The following MEIS3 variants were observed in gnomAD, a reference collection of about 807,000 sequenced individuals.
MEIS3 encodes homeobox protein Meis3.
Under a neutral mutation model 51.4 loss-of-function variants are expected in MEIS3, and 38 were observed. The observed-to-expected ratio is 0.74, with a 90% CI of 0.57 to 0.97. The LOEUF (loss-of-function observed/expected upper bound fraction) is 0.97, where lower values mean the gene tolerates loss of function less well. Ranked by LOEUF, MEIS3 falls within the 50% of genes least tolerant of loss-of-function variation. The pLI, the probability that MEIS3 is intolerant of heterozygous loss-of-function variation, is 0.00. For synonymous variants in MEIS3, 198 were observed against 201.8 expected (o/e 0.98, Z 0.16); for missense variants, 456 against 502.6 (o/e 0.91, Z 0.89).
chr19:47,418,760 A>C, intron 1 of MEIS3: 1 of 245,846 alleles, frequency 4.1e-6, no homozygotes, highest in African/African-American at 2.7e-5. Context: ...GAGACCAGGG[A>C]CAGAGAGAGG....
rs1175623078 is a variant in MEIS3 at position 47,406,987 on chromosome 19, A to G, written c.995-16T>C. ...GCACCCTGCCCTGCGAAGGGGGTTCAGAGGTGCAGGCTGAGCCCCAGGAAG... is the reference window on the plus strand; with the variant it reads ...GCACCCTGCCCTGCGAAGGGGGTTCGGAGGTGCAGGCTGAGCCCCAGGAAG... On this transcript the variant is annotated splice_polypyrimidine_tract_variant and intron_variant, in intron 10 of 12. Transcript: ENST00000558555. 1 of 1,574,376 alleles carries G rather than the reference A, an allele frequency of 6.4e-7. No individual in the cohort carries two copies. Among genetic ancestry groups the G allele is most frequent in the South Asian group, 1.2e-5 (1 of 86,040 alleles).
chr19:47,417,508 G>A, intron 1 of MEIS3, 158 bp from the exon 2 acceptor site: 1 of 892,588 alleles, frequency 1.1e-6, no homozygotes, highest in African/African-American at 1.6e-5. Context: ...CAAGCTTGAA[G>A]CCCTCCAGGT....
chr19:47,414,746 G>C lies in MEIS3; in HGVS notation c.568C>G (p.Pro190Ala). 6.2e-7 allele frequency: 1 copy of C among 1,610,648 alleles called. No homozygotes were observed. The part of the protein sequence containing the change: ...GGCREDFEDY[P>A]ASCPSLPDQN... ...TCTGGGAGGCTGGGGCAGGAGGCTGGGTAGTCCTCGAAGTCCTCCCTGCAG... is the reference window on the plus strand; with the variant it reads ...TCTGGGAGGCTGGGGCAGGAGGCTGCGTAGTCCTCGAAGTCCTCCCTGCAG... The change falls in exon 6 of 13, where the codon CCA becomes GCA. Residue 190 changes from proline to alanine, a missense_variant. Physicochemically the swap from Pro to Ala is conservative, Grantham distance 27. Transcript: ENST00000558555.
upstream of MEIS3, among the ~76,000 whole-genome samples, chr19:47,420,549 C>G (rs576185928): frequency 5.2e-4 from 69 of 133,142 alleles, no homozygotes; most frequent in African/African-American, 1.9e-3. Flanking sequence ...GAGACAGACG[C>G]GGGTGGGAGG....
At chr19:47,416,047 T>C (rs894480253) in intron 4 of MEIS3, 1 of 152,490 alleles carries the variant, frequency 6.6e-6, no homozygotes, top group African/African-American at 2.4e-5. Flanking sequence ...CACAGGTGCA[T>C]GCCACCACAC....
At chr19:47,415,983 G>C (rs1461958348) in intron 4 of MEIS3, 1 of 151,818 alleles carries the variant, frequency 6.6e-6, no homozygotes, top group Non-Finnish European at 1.5e-5. Context: ...CTACAGCCTC[G>C]ACCTCTTGGG....
At chr19:47,412,837 G>A (rs952857348) in intron 6 of MEIS3, among the ~76,000 whole-genome samples, 8 of 151,718 alleles carry the variant, frequency 5.3e-5, no homozygotes, top group Admixed American at 1.3e-4. Flanking sequence ...CAAAGTGCTG[G>A]GATTACAGTC....
At chr19:47,415,571 C>CTTT (rs1245407799) in intron 4 of MEIS3, among the ~76,000 whole-genome samples, 9 of 122,168 alleles carry the variant, frequency 7.4e-5, no homozygotes, top group South Asian at 2.6e-4. Flanking sequence ...CTCTCTCTCT[C>CTTT]TCTTTTTTTT....
rs781374567 is a variant in MEIS3 at position 47,409,563 on chromosome 19, T to C, written c.598-16A>G. On this transcript the variant is annotated splice_polypyrimidine_tract_variant and intron_variant, in intron 6 of 12. Coordinates refer to ENST00000558555, the MANE Select transcript of MEIS3 (RefSeq NM_001301059.2). ...ACATATTATTCTAGAAAACAAGAGT[T>C]AGAAGTTAGTGCCAAGGCGGCCGGG... 2 of 1,599,954 alleles carry C rather than the reference T, an allele frequency of 1.3e-6. No homozygotes were observed. The highest frequency in any genetic ancestry group is 2.2e-5 in the East Asian group (1 of 44,798).
chr19:47,414,978 G>A (rs547720028), intron 5 of MEIS3, 73 bp downstream of exon 5: 14 of 1,220,372 alleles, frequency 1.1e-5, no homozygotes, highest in Middle Eastern at 4.8e-4. Context: ...GCTGGAAGGT[G>A]GGGGGCAGAG....
rs562909355 is a variant in MEIS3, at chr19:47,405,296, AT to A, written c.*17+1163del. ...AAGACTCAAGGCCTGGGAAAGTCAA[AT>A]AATGCCCCCCTTCCACATTACTCCC... On this transcript the variant is annotated intron_variant, in intron 12 of 12. Transcript: ENST00000558555. Among the ~76,000 whole-genome samples the A allele has an allele frequency of 9.5e-3, 1,448 of 152,302 alleles. 16 individuals are homozygous for A. Among genetic ancestry groups the A allele is most frequent in the Non-Finnish European group, 0.013 (879 of 68,016 alleles).
rs1232016620 is a variant in MEIS3 at position 47,409,459 on chromosome 19, C to T, written c.686G>A (p.Ser229Asn). Reference protein sequence around the residue: ...GPSSGGLASQSGDNSSDQGDG... With the variant: ...GPSSGGLASQNGDNSSDQGDG... ...ACCTTGGTCACTGGAGTTGTCCCCA[C>T]TCTGGGAGGCCAGGCCCCCACTGGA... The change falls in exon 7 of 13, where the codon AGT (serine) becomes AAT (asparagine). Residue 229 changes from serine (S) to asparagine (N), a missense_variant. Physicochemically the swap from Ser to Asn is conservative, Grantham distance 46. Transcript: ENST00000558555. 1 of 1,613,964 alleles carries T rather than the reference C, an allele frequency of 6.2e-7. No individual in the cohort carries two copies. Among genetic ancestry groups the T allele is most frequent in the Non-Finnish European group, 8.5e-7 (1 of 1,179,932 alleles).
rs925719065 is a variant in MEIS3, at chr19:47,416,853, A to T, written c.296T>A (p.Val99Asp). The change falls in exon 3 of 13, where the codon GTC (valine) becomes GAC (aspartate). Residue 99 changes from valine to aspartate, a missense_variant. Coordinates refer to ENST00000558555, the MANE Select transcript of MEIS3 (RefSeq NM_001301059.2). ...CTCGTTGAAGGAATCAGAGGAGCAG[A>T]CGTCACCTCCAGGGGGTGTCCCCAG... ...AGLGTPPGGD[V>D]CSSDSFNEDI... is the part of the protein sequence containing the mutation. The T allele has an allele frequency of 3.1e-6, 5 of 1,614,024 alleles. No homozygotes were observed. Among genetic ancestry groups the T allele is most frequent in the Non-Finnish European group, 3.4e-6 (4 of 1,179,982 alleles).
intron 8 of MEIS3, chr19:47,407,667 C>T (rs559956690): frequency 2.9e-6 from 3 of 1,028,464 alleles, no homozygotes; most frequent in East Asian, 2.8e-5. Flanking sequence ...AACTGGCCAG[C>T]TCTGATTAGA....
intron 12 of MEIS3, among the ~76,000 whole-genome samples, chr19:47,404,013 G>A (rs933079322): frequency 6.6e-6 from 1 of 152,024 alleles, no homozygotes; most frequent in African/African-American, 2.4e-5. Context: ...ACCAGCCTGG[G>A]GAACAAAGCG....
chr19:47,415,194 G>A (rs1971351436), intron 4 of MEIS3, 93 bp from the exon 5 acceptor site: 6 of 786,902 alleles, frequency 7.6e-6, no homozygotes, highest in Admixed American at 2.1e-5. Context: ...AGGAAGAGGA[G>A]ACACAGAGAA....
At position 47,414,858 on chromosome 19, in the gene MEIS3, G is replaced by A; in HGVS notation, c.456C>T (p.Asp152=). Residue 152 remains aspartate, a synonymous_variant, in exon 6 of 13, where the codon GAC becomes GAT. Transcript: ENST00000558555. ...FHLLELEKVH[D]LCDNFCHRYI... is the part of the protein sequence containing the mutation. ...AGCGGTGACAGAAGTTGTCGCACAG[G>A]TCGTGGACCTGGGGGGGCACCGGGG... 9 of 1,611,576 alleles carry A rather than the reference G, an allele frequency of 5.6e-6. No individual in the cohort carries two copies. The highest frequency in any genetic ancestry group is 7.6e-6 in the Non-Finnish European group (9 of 1,179,376).
chr19:47,420,331 T>G (rs923203975), upstream of MEIS3, among the ~76,000 whole-genome samples: 11 of 151,972 alleles, frequency 7.2e-5, no homozygotes, highest in Non-Finnish European at 1.6e-4. Context: ...TTTGCTTTTT[T>G]GGGGGGTGGT....
At chr19:47,420,575 T>C (rs1316614125), upstream of MEIS3, among the ~76,000 whole-genome samples, 2 of 75,414 alleles carry the variant, frequency 2.7e-5, no homozygotes, top group Admixed American at 1.3e-4. Context: ...GAGAGAGAGG[T>C]GCAGACAGAG....
Sources: allele counts gnomAD v4.1 joint callset (sites outside exome capture counted in the v4.1 genomes callset), GRCh38; gene constraint gnomAD v4.1.1; transcripts MANE v1.5; gene names NCBI Gene and HGNC (gene_info 2026-07-23, HGNC 2026-07-21).